The following FNBP1L variants were observed in gnomAD, a reference collection of about 807,000 sequenced individuals.
The protein encoded by FNBP1L is formin-binding protein 1-like.
In FNBP1L, 36 loss-of-function variants were observed where a neutral mutation model predicts 91.2. The observed-to-expected ratio is 0.39, with a 90% CI of 0.30 to 0.52. FNBP1L has a LOEUF of 0.52. FNBP1L is among the 20% of genes least tolerant of loss of function. The pLI is 0.66. For synonymous variants in FNBP1L, 242 were observed against 237.0 expected, an observed-to-expected ratio of 1.02 and a Z score of -0.19; for missense variants, 571 against 732.1, an observed-to-expected ratio of 0.78 and a Z score of 2.54.
intron 2 of FNBP1L, among the ~76,000 whole-genome samples, chr1:93,501,207 AGT>A (rs572689778): frequency 1.2e-4 from 18 of 152,366 alleles, no homozygotes; most frequent in Middle Eastern, 3.4e-3. Context: ...CAGTGATGGC[AGT>A]GTGAAGGGAC....
At chr1:93,463,761 GT>G (rs1346152043) in intron 1 of FNBP1L, among the ~76,000 whole-genome samples, 2 of 152,248 alleles carry the variant, frequency 1.3e-5, no homozygotes, top group East Asian at 3.9e-4. Flanking sequence ...TTTGCATTTG[GT>G]TTTAGGCTCT....
rs1672490954 is a variant in FNBP1L, at chr1:93,553,719, T to C, written c.*1303T>C. 6.6e-6 allele frequency: 1 copy of C among 152,646 alleles called. No homozygotes were observed. The allele number at this position is 152,646 out of a possible 1,614,324, so 9.5% of individuals were successfully genotyped here. Reference sequence around the variant, plus strand: ...ATTTCTGTATGTTTATACTTGTAAATATGATTGTTGTTAGTGCTCCTGTTG... The same window carrying C: ...ATTTCTGTATGTTTATACTTGTAAACATGATTGTTGTTAGTGCTCCTGTTG... On this transcript the variant is annotated 3_prime_UTR_variant, in exon 17 of 17. Coordinates refer to ENST00000271234, the MANE Select transcript of FNBP1L (RefSeq NM_001164473.3).
intron 1 of FNBP1L, among the ~76,000 whole-genome samples, chr1:93,465,559 T>C (rs1669047268): frequency 6.6e-6 from 1 of 152,224 alleles, no homozygotes; most frequent in South Asian, 2.1e-4. Flanking sequence ...CTGCATAGTA[T>C]TCCATGGTAT....
In FNBP1L at chr1:93,553,664, A is replaced by C. The variant is rs1672490055; in HGVS notation, c.*1248A>C. The C allele has an allele frequency of 6.6e-6, 1 of 152,564 alleles. No homozygotes were observed. Among genetic ancestry groups the C allele is most frequent in the Non-Finnish European group, 1.5e-5 (1 of 68,022 alleles). The allele number at this position is 152,564 out of a possible 1,614,324, so 9.5% of individuals were successfully genotyped here. A position where few individuals can be genotyped will look rare whatever the true frequency, so the allele number is the denominator to read the frequency against. On this transcript the variant is annotated 3_prime_UTR_variant, in exon 17 of 17. Transcript: ENST00000271234. ...TAAAATTTAGTGAAACTTTGTAATG[A>C]TCTATGTGCACTTTTACTTGTAAAA... is the stretch of plus-strand genomic sequence containing the variant.
chr1:93,541,222 A>G (rs750799786), intron 11 of FNBP1L, among the ~76,000 whole-genome samples, 166 bp downstream of exon 11: 10 of 152,158 alleles, frequency 6.6e-5, no homozygotes, highest in East Asian at 3.8e-4. Context: ...TCTTGATGTC[A>G]TAAGATTAGA....
rs1668333134 is a variant in FNBP1L at position 93,448,194 on chromosome 1, C to T, written c.-88C>T. On this transcript the variant is annotated 5_prime_UTR_variant, in exon 1 of 17. Transcript: ENST00000271234. ...AGGTAGACCCGCTGAGCTGCTAGCC[C>T]GCCGGCCAGCGAGTGAGAGGTCGGA... The T allele has an allele frequency of 1.3e-5, 19 of 1,486,368 alleles. No individual in the cohort carries two copies. The highest frequency in any genetic ancestry group is 2.1e-4 in the Middle Eastern group (1 of 4,786). 92.1% of individuals were successfully genotyped at this position (1,486,368 alleles called of 1,614,324 possible). A position where few individuals can be genotyped will look rare whatever the true frequency, so the allele number is the denominator to read the frequency against.
chr1:93,515,228 C>T (rs1475465223), intron 2 of FNBP1L, among the ~76,000 whole-genome samples: 1 of 152,096 alleles, frequency 6.6e-6, no homozygotes, highest in Non-Finnish European at 1.5e-5. Context: ...CCATCTCACA[C>T]CAGTTAGAAT....
chr1:93,522,249 T>G, intron 3 of FNBP1L, 114 bp downstream of exon 3: 2 of 441,210 alleles, frequency 4.5e-6, no homozygotes, highest in Non-Finnish European at 7.1e-6. Flanking sequence ...AAAGTTTAAT[T>G]TAAAAATTAA....
intron 1 of FNBP1L, among the ~76,000 whole-genome samples, chr1:93,485,087 G>A (rs965303946): frequency 6.6e-6 from 1 of 151,518 alleles, no homozygotes; most frequent in African/African-American, 2.4e-5. Context: ...GGAGGTCAAG[G>A]CTGCAGTGAG....
intron 2 of FNBP1L, among the ~76,000 whole-genome samples, chr1:93,500,710 T>TA (rs1338947631): frequency 6.6e-6 from 1 of 151,394 alleles, no homozygotes; most frequent in Non-Finnish European, 1.5e-5. Context: ...AAGGGGGAGT[T>TA]ACTTGAGTGC....
intron 1 of FNBP1L, among the ~76,000 whole-genome samples, chr1:93,499,239 A>G (rs1001864176): frequency 2.6e-5 from 4 of 152,128 alleles, no homozygotes; most frequent in African/African-American, 9.7e-5. Flanking sequence ...GGGTGTTGCA[A>G]CTGGGAGAGC....
chr1:93,515,222 C>T (rs1671043026), intron 2 of FNBP1L, among the ~76,000 whole-genome samples: 1 of 152,140 alleles, frequency 6.6e-6, no homozygotes, highest in Non-Finnish European at 1.5e-5. Flanking sequence ...GACATACCAT[C>T]TCACACCAGT....
At chr1:93,478,796 A>C (rs999205483) in intron 1 of FNBP1L, among the ~76,000 whole-genome samples, 4 of 152,138 alleles carry the variant, frequency 2.6e-5, no homozygotes, top group African/African-American at 9.7e-5. Context: ...GGAATTGGAG[A>C]TATTGGTGTA....
chr1:93,460,667 A>G lies in FNBP1L; in HGVS notation c.24+12362A>G, dbSNP rs1201197282. ...CCTGGAGGATTTCATGTTAAGTGAAATAAGCCAGGTACAGAAAGACAAATA... is the reference window on the plus strand; with the variant it reads ...CCTGGAGGATTTCATGTTAAGTGAAGTAAGCCAGGTACAGAAAGACAAATA... On this transcript the variant is annotated intron_variant, in intron 1 of 16. Transcript: ENST00000271234. Among the ~76,000 whole-genome samples, 5 of 152,234 alleles carry G rather than the reference A, an allele frequency of 3.3e-5. No individual in the cohort carries two copies. The East Asian group carries it at 9.6e-4, about 29-fold the overall frequency.
At chr1:93,479,040 C>G (rs1484953127) in intron 1 of FNBP1L, among the ~76,000 whole-genome samples, 2 of 152,144 alleles carry the variant, frequency 1.3e-5, no homozygotes, top group African/African-American at 4.8e-5. Context: ...TGGGGGAACC[C>G]ACCCCAATAT....
intron 10 of FNBP1L, among the ~76,000 whole-genome samples, chr1:93,537,529 C>G (rs1026898726): frequency 6.6e-6 from 1 of 152,124 alleles, no homozygotes; most frequent in Non-Finnish European, 1.5e-5. Flanking sequence ...TTATGACAAA[C>G]TTAACTGATG....
chr1:93,543,360 A>G (rs571383807), intron 11 of FNBP1L, among the ~76,000 whole-genome samples: 2 of 152,336 alleles, frequency 1.3e-5, no homozygotes, highest in East Asian at 3.9e-4. Context: ...AAAACTTTAA[A>G]AAATTTTCAG....
chr1:93,487,349 G>C (rs1286326277), intron 1 of FNBP1L, among the ~76,000 whole-genome samples: 1 of 152,058 alleles, frequency 6.6e-6, no homozygotes, highest in African/African-American at 2.4e-5. Flanking sequence ...AGCCTGATTT[G>C]GATAATCAGT....
intron 1 of FNBP1L, among the ~76,000 whole-genome samples, chr1:93,455,381 G>T (rs1439651951): frequency 6.6e-6 from 1 of 152,156 alleles, no homozygotes; most frequent in South Asian, 2.1e-4. Context: ...TAGAGACAAG[G>T]TCTCGCTGTA....
Sources: allele counts gnomAD v4.1 joint callset (sites outside exome capture counted in the v4.1 genomes callset), GRCh38; gene constraint gnomAD v4.1.1; transcripts MANE v1.5; gene names NCBI Gene and HGNC (gene_info 2026-07-23, HGNC 2026-07-21).